TRAPPC9: variants seen among roughly 807,000 people sequenced by gnomAD.
TRAPPC9 encodes trafficking protein particle complex subunit 9, also known as IKK2 binding protein.
In TRAPPC9, 83 loss-of-function variants were observed where a neutral mutation model predicts 124.0. That is an observed-to-expected ratio of 0.67 (90% confidence interval 0.56 to 0.80). TRAPPC9 has a LOEUF of 0.80. TRAPPC9 is among the 30% of genes least tolerant of loss of function. The pLI, the probability that TRAPPC9 is intolerant of heterozygous loss-of-function variation, is 0.00. For synonymous variants in TRAPPC9, 638 were observed against 617.5 expected (o/e 1.03, Z -0.49); for missense variants, 1,302 against 1,508.3 (o/e 0.86, Z 2.27).
chr8:139,816,755 C>T (rs961780012), intron 21 of TRAPPC9, among the ~76,000 whole-genome samples: 3 of 152,028 alleles, frequency 2.0e-5, no homozygotes. Context: ...GCCAAGCGAC[C>T]CTTCCTGTGC....
intron 21 of TRAPPC9, among the ~76,000 whole-genome samples, chr8:139,738,866 C>G (rs1818374932): frequency 6.6e-6 from 1 of 152,102 alleles, no homozygotes; most frequent in Non-Finnish European, 1.5e-5. Context: ...GTGCACAGCT[C>G]TCTGAGCCTC....
chr8:140,160,528 A>G (rs2061728578), intron 17 of TRAPPC9, among the ~76,000 whole-genome samples: 2 of 152,144 alleles, frequency 1.3e-5, no homozygotes, highest in Admixed American at 6.6e-5. Flanking sequence ...CATCATTCTC[A>G]GCAAACTATC....
rs550932430 is a variant in TRAPPC9 at position 140,126,507 on chromosome 8, T to C, written c.2556+94952A>G. Among the ~76,000 whole-genome samples the C allele has an allele frequency of 2.0e-5, 3 of 152,324 alleles. No individual in the cohort carries two copies. The South Asian group carries it at 6.2e-4, about 32-fold the overall frequency. On this transcript the variant is annotated intron_variant, in intron 17 of 22. Coordinates refer to ENST00000438773, the MANE Select transcript of TRAPPC9 (RefSeq NM_001160372.4). Reference sequence around the variant, plus strand: ...TCAGACACTCGTAAGAACATCATATTTGATAGCGATAAAAGCTCTGAGATA... The same window carrying C: ...TCAGACACTCGTAAGAACATCATATCTGATAGCGATAAAAGCTCTGAGATA...
chr8:139,895,176 G>T (rs138119989), intron 20 of TRAPPC9, among the ~76,000 whole-genome samples: 205 of 152,304 alleles, frequency 1.3e-3, no homozygotes, highest in African/African-American at 4.7e-3. Context: ...TCAAGAGCCC[G>T]TCTGCCAGAC....
intron 20 of TRAPPC9, among the ~76,000 whole-genome samples, chr8:139,899,886 C>T (rs191404681): frequency 2.6e-5 from 4 of 152,296 alleles, no homozygotes; most frequent in Admixed American, 1.3e-4. Flanking sequence ...CAGACCTGTA[C>T]TGCCCTATAT....
At chr8:140,432,960 A>G (rs556161896) in intron 4 of TRAPPC9, among the ~76,000 whole-genome samples, 1 of 152,256 alleles carries the variant, frequency 6.6e-6, no homozygotes, top group South Asian at 2.1e-4. Context: ...ACTGCCAACT[A>G]TTAATCATAC....
chr8:139,904,501 A>G (rs7013645), intron 20 of TRAPPC9: 39,314 of 152,122 alleles, frequency 0.26, 5,173 homozygotes, highest in East Asian at 0.37. Context: ...ACCTTTGCTG[A>G]CACCTTCCAG....
In TRAPPC9 at chr8:140,252,174, C is replaced by T. The variant is rs1003436815; in HGVS notation, c.2431+603G>A. 6.6e-6 allele frequency among the ~76,000 whole-genome samples: 1 copy of T among 151,972 alleles called. No individual in the cohort carries two copies. The highest frequency in any genetic ancestry group is 1.5e-5 in the Non-Finnish European group (1 of 67,996). On this transcript the variant is annotated intron_variant, in intron 16 of 22. Transcript: ENST00000438773. The surrounding 1 kb of genome is among the most constrained non-coding windows in gnomAD (Gnocchi z 4.2). Reference sequence around the variant, plus strand: ...CTGAGTAGCTGGGATTACAGGCATGCGCCACCATGCCCGACGAATTTTTGT... The same window carrying T: ...CTGAGTAGCTGGGATTACAGGCATGTGCCACCATGCCCGACGAATTTTTGT...
intron 19 of TRAPPC9, among the ~76,000 whole-genome samples, chr8:139,986,079 C>T (rs1428439596): frequency 1.3e-5 from 2 of 152,096 alleles, no homozygotes; most frequent in African/African-American, 4.8e-5. Flanking sequence ...CCCATCTCTA[C>T]TAAAAATACA....
intron 9 of TRAPPC9, among the ~76,000 whole-genome samples, chr8:140,336,807 G>T (rs1470001738): frequency 6.6e-6 from 1 of 152,158 alleles, no homozygotes; most frequent in Non-Finnish European, 1.5e-5. Context: ...CATCAGTGTT[G>T]AAAGTCTAAC....
chr8:140,213,117 ATCT>A (rs571537960), intron 17 of TRAPPC9, among the ~76,000 whole-genome samples: 171 of 151,356 alleles, frequency 1.1e-3, no homozygotes, highest in African/African-American at 3.8e-3. Flanking sequence ...TTACTTTCTA[ATCT>A]TCTTTTTTGT....
In TRAPPC9 at chr8:139,805,764, C is replaced by T. The variant is rs921407778; in HGVS notation, c.3056-73562G>A. On this transcript the variant is annotated intron_variant, in intron 21 of 22. Transcript: ENST00000438773. ...AGATCAACCACAGACCCAGAGAATG[C>T]GGCCTCAGAGAACAGCTATTAAGTA... Among the ~76,000 whole-genome samples the T allele has an allele frequency of 2.0e-5, 3 of 152,216 alleles. No homozygotes were observed. The South Asian group carries it at 6.2e-4, about 32-fold the overall frequency.
intron 21 of TRAPPC9, among the ~76,000 whole-genome samples, chr8:139,778,081 G>C (rs1229340887): frequency 6.6e-6 from 1 of 152,160 alleles, no homozygotes; most frequent in Non-Finnish European, 1.5e-5. Flanking sequence ...CCAAGGCTAA[G>C]GGCAAGAAAC....
At position 139,855,267 on chromosome 8, in the gene TRAPPC9, G is replaced by A. The variant is rs116205367; in HGVS notation, c.3055+30612C>T. On this transcript the variant is annotated intron_variant, in intron 21 of 22. Transcript: ENST00000438773. ...CAGCAGCTAAATATTTGTTTTCCTC[G>A]GTAATCAGGTGAGCAGGCCTGGGCT... 3.2e-3 allele frequency among the ~76,000 whole-genome samples: 483 copies of A among 152,238 alleles called. 3 individuals are homozygous for A. The highest frequency in any genetic ancestry group is 0.011 in the African/African-American group (467 of 41,546).
intron 9 of TRAPPC9, among the ~76,000 whole-genome samples, chr8:140,321,659 C>G (rs534858390): frequency 6.6e-6 from 1 of 152,284 alleles, no homozygotes; most frequent in Admixed American, 6.5e-5. Flanking sequence ...AAGGGCTGAA[C>G]TTGGAAGACA....
At chr8:139,987,844 G>C (rs1445688283) in intron 19 of TRAPPC9, among the ~76,000 whole-genome samples, 2 of 152,064 alleles carry the variant, frequency 1.3e-5, no homozygotes, top group Non-Finnish European at 2.9e-5. Context: ...CCTGCCTCCG[G>C]GCAAGCCCTG....
At chr8:139,737,357 G>C (rs888413125) in intron 21 of TRAPPC9, among the ~76,000 whole-genome samples, 4 of 150,358 alleles carry the variant, frequency 2.7e-5, no homozygotes. Flanking sequence ...CGGCCGGCTG[G>C]TCCCCAGGAG....
intron 21 of TRAPPC9, among the ~76,000 whole-genome samples, chr8:139,816,521 G>C (rs1403624710): frequency 6.6e-6 from 1 of 152,120 alleles, no homozygotes; most frequent in African/African-American, 2.4e-5. Flanking sequence ...GGGCCACAGG[G>C]GCCGACCCAG....
intron 9 of TRAPPC9, among the ~76,000 whole-genome samples, chr8:140,335,438 C>T (rs1010340180): frequency 6.6e-6 from 1 of 152,018 alleles, no homozygotes; most frequent in Non-Finnish European, 1.5e-5. Context: ...GGATGACTGA[C>T]AAAGTTTTAA....
Sources: gnomAD v4.1 joint callset for allele counts (sites outside exome capture counted in the v4.1 genomes callset) on GRCh38, gnomAD v4.1.1 for gene constraint, Gnocchi (gnomAD v3.1) non-coding constraint, MANE v1.5 for transcripts, NCBI Gene and HGNC (gene_info 2026-07-23, HGNC 2026-07-21) for gene names.